NETO1: variants seen among roughly 807,000 people sequenced by gnomAD.
The protein encoded by NETO1 is neuropilin and tolloid-like protein 1.
NETO1 carries 26 observed loss-of-function variants against 61.3 expected under a neutral mutation model. That is an observed-to-expected ratio of 0.42 (90% confidence interval 0.31 to 0.59). The LOEUF is 0.59. NETO1 is among the 20% of genes least tolerant of loss of function. NETO1 has a pLI of 0.12. For missense variants in NETO1, 531 were observed against 662.8 expected, an observed-to-expected ratio of 0.80 and a Z score of 2.18; for synonymous variants, 225 against 225.8, an observed-to-expected ratio of 1.00 and a Z score of 0.03.
intron 4 of NETO1, among the ~76,000 whole-genome samples, chr18:72,849,341 T>G (rs192742135): frequency 3.0e-4 from 45 of 152,374 alleles, no homozygotes; most frequent in Admixed American, 2.7e-3. Flanking sequence ...TTCCATTTTC[T>G]GTTGAGCTGT....
chr18:72,849,659 A>G (rs1392407420), intron 4 of NETO1, among the ~76,000 whole-genome samples: 1 of 152,216 alleles, frequency 6.6e-6, no homozygotes, highest in Non-Finnish European at 1.5e-5. Context: ...AAAATCAAGT[A>G]TTTGTTTCTT....
intron 4 of NETO1, among the ~76,000 whole-genome samples, chr18:72,802,414 T>A (rs999322554): frequency 6.6e-6 from 1 of 152,204 alleles, no homozygotes; most frequent in African/African-American, 2.4e-5. Flanking sequence ...TGATTAAAGT[T>A]TCAGCTTAGA....
At chr18:72,842,003 T>C (rs1295815575) in intron 4 of NETO1, among the ~76,000 whole-genome samples, 1 of 152,192 alleles carries the variant, frequency 6.6e-6, no homozygotes, top group East Asian at 1.9e-4. Context: ...TGAATGATGC[T>C]ATTTTTCCAC....
At chr18:72,769,215 G>A (rs1419105333) in intron 7 of NETO1, among the ~76,000 whole-genome samples, 4 of 152,140 alleles carry the variant, frequency 2.6e-5, no homozygotes, top group Admixed American at 6.5e-5. Flanking sequence ...ATTCAAGGGT[G>A]TACGCACTCA....
chr18:72,851,404 T>A (rs1327733250), intron 4 of NETO1, among the ~76,000 whole-genome samples: 1 of 134,336 alleles, frequency 7.4e-6, no homozygotes, highest in East Asian at 2.3e-4. Context: ...AGAGCGAAAC[T>A]CCCTCAAAAC....
At chr18:72,816,301 G>A (rs2073031430) in intron 4 of NETO1, among the ~76,000 whole-genome samples, 1 of 152,188 alleles carries the variant, frequency 6.6e-6, no homozygotes. Context: ...AACTAGGTTT[G>A]AAAAATCTTA....
intron 4 of NETO1, among the ~76,000 whole-genome samples, chr18:72,795,067 A>G (rs2072264033): frequency 1.3e-5 from 2 of 152,254 alleles, no homozygotes; most frequent in South Asian, 4.1e-4. Flanking sequence ...CCTCGCAGTC[A>G]AGCCCAGGCT....
chr18:72,844,830 T>C (rs1380982414), intron 4 of NETO1, among the ~76,000 whole-genome samples: 1 of 152,208 alleles, frequency 6.6e-6, no homozygotes, highest in Non-Finnish European at 1.5e-5. Context: ...AATGTTTGAT[T>C]GCAGTGCACT....
At chr18:72,852,289 A>G (rs972353046) in intron 4 of NETO1, among the ~76,000 whole-genome samples, 7 of 152,106 alleles carry the variant, frequency 4.6e-5, no homozygotes, top group Non-Finnish European at 1.0e-4. Flanking sequence ...ATCTCGGCTC[A>G]CTGCAACCTC....
At chr18:72,856,932 C>G (rs2074427350) in intron 4 of NETO1, among the ~76,000 whole-genome samples, 1 of 152,212 alleles carries the variant, frequency 6.6e-6, no homozygotes, top group Non-Finnish European at 1.5e-5. Flanking sequence ...TTCAGATTCC[C>G]TAAATGCTAT....
rs367943046 is a variant in NETO1 at position 72,779,225 on chromosome 18, A to G, written c.868+4453T>C. On this transcript the variant is annotated intron_variant, in intron 7 of 10. Coordinates refer to ENST00000327305, the MANE Select transcript of NETO1 (RefSeq NM_138966.5). Reference sequence around the variant, plus strand: ...AGATAATACATATAACTATATATACATCTATAAGGCACATATTGGATGTGT... The same window carrying G: ...AGATAATACATATAACTATATATACGTCTATAAGGCACATATTGGATGTGT... Among the ~76,000 whole-genome samples, 94 of 151,974 alleles carry G rather than the reference A, an allele frequency of 6.2e-4. 2 individuals are homozygous for G. The East Asian group carries it at 9.1e-3, about 15-fold the overall frequency.
At chr18:72,833,845 C>T (rs755593829) in intron 4 of NETO1, among the ~76,000 whole-genome samples, 3 of 152,178 alleles carry the variant, frequency 2.0e-5, no homozygotes, top group South Asian at 2.1e-4. Context: ...AACGTCCCTG[C>T]ACGAAATAGC....
intron 4 of NETO1, among the ~76,000 whole-genome samples, chr18:72,836,398 C>G (rs932584981): frequency 6.6e-6 from 1 of 152,100 alleles, no homozygotes; most frequent in South Asian, 2.1e-4. Flanking sequence ...CTCCTTTACC[C>G]CACTTATTGT....
In NETO1 at chr18:72,794,390, C is replaced by G. The variant is rs2072241322; in HGVS notation, c.484G>C (p.Asp162His). ...YNFTPDPDFKDLGALKPLPAC... is the reference protein window; with the variant it reads ...YNFTPDPDFKHLGALKPLPAC... Reference sequence around the variant, plus strand: ...GGTAATGGTTTCAAAGCTCCAAGGTCCTTAAAGTCAGGATCTTAAAAATTG... The same window carrying G: ...GGTAATGGTTTCAAAGCTCCAAGGTGCTTAAAGTCAGGATCTTAAAAATTG... The change falls in exon 5 of 11, where the codon GAC becomes CAC. Residue 162 changes from aspartate (D) to histidine (H), a missense_variant. Physicochemically the swap from Asp to His is moderately conservative, Grantham distance 81. Transcript: ENST00000327305. 1 of 1,611,498 alleles carries G rather than the reference C, an allele frequency of 6.2e-7. No homozygotes were observed.
chr18:72,867,192 G>A (rs57425572), intron 1 of NETO1, 72 bp downstream of exon 1: 1 of 1,211,180 alleles, frequency 8.3e-7, no homozygotes, highest in Non-Finnish European at 1.1e-6. Flanking sequence ...CTTTTCCTGC[G>A]CGTTCGGCCC....
chr18:72,801,941 G>T (rs2072521020), intron 4 of NETO1, among the ~76,000 whole-genome samples: 1 of 151,874 alleles, frequency 6.6e-6, no homozygotes, highest in African/African-American at 2.4e-5. Flanking sequence ...TCTAAATTAT[G>T]AAAAAAGATG....
In NETO1 at chr18:72,810,269, G is replaced by A. The variant is rs977822703; in HGVS notation, c.470-15865C>T. 4.6e-5 allele frequency among the ~76,000 whole-genome samples: 7 copies of A among 152,156 alleles called. No individual in the cohort carries two copies. The East Asian group carries it at 7.7e-4, about 17-fold the overall frequency. On this transcript the variant is annotated intron_variant, in intron 4 of 10. Coordinates refer to ENST00000327305, the MANE Select transcript of NETO1 (RefSeq NM_138966.5). ...TTATTACAGTAATTTAGGTTTGAAC[G>A]GGCATCTGAAACCAGTAATTTTAAT...
At chr18:72,748,334 C>T in intron 10 of NETO1, 170 bp from the exon 11 acceptor site, 1 of 978,366 alleles carries the variant, frequency 1.0e-6, no homozygotes, top group Non-Finnish European at 1.2e-6. Context: ...CAATTGGAGA[C>T]AAATTAGGCT....
chr18:72,845,653 C>T (rs755523264), intron 4 of NETO1, among the ~76,000 whole-genome samples: 2 of 152,128 alleles, frequency 1.3e-5, no homozygotes, highest in African/African-American at 2.4e-5. Flanking sequence ...TGAAGTATGG[C>T]CTCAAATGAT....
Sources: allele counts gnomAD v4.1 joint callset (sites outside exome capture counted in the v4.1 genomes callset), GRCh38; gene constraint gnomAD v4.1.1; transcripts MANE v1.5; gene names NCBI Gene and HGNC (gene_info 2026-07-23, HGNC 2026-07-21).